PTPRD: variants seen among roughly 807,000 people sequenced by gnomAD.
PTPRD encodes receptor-type tyrosine-protein phosphatase delta.
Under a neutral mutation model 214.5 loss-of-function variants are expected in PTPRD, and 34 were observed. The ratio of observed to expected loss-of-function variants is 0.16; its 90% CI spans 0.12 to 0.21. PTPRD has a LOEUF of 0.21. PTPRD is among the 10% of genes least tolerant of loss of function. PTPRD has a pLI of 1.00. For missense variants in PTPRD, 2,545 were observed against 2,398.7 expected (o/e 1.06, Z -1.27); for synonymous variants, 1,128 against 845.7 (o/e 1.33, Z -5.79).
At chr9:8,483,505 C>T (rs905957930) in intron 30 of PTPRD, among the ~76,000 whole-genome samples, 1 of 152,274 alleles carries the variant, frequency 6.6e-6, no homozygotes, top group East Asian at 1.9e-4. Flanking sequence ...ATAATCCTAG[C>T]ACTTTGGGAG....
intron 44 of PTPRD, among the ~76,000 whole-genome samples, chr9:8,329,935 C>CAGACAGCT (rs1838142181): frequency 1.8e-5 from 1 of 55,554 alleles, no homozygotes; most frequent in African/African-American, 4.4e-4. Flanking sequence ...GCCAGTGGAT[C>CAGACAGCT]GTATCTTGCT....
chr9:9,900,032 A>G (rs2076019544), intron 5 of PTPRD, among the ~76,000 whole-genome samples: 1 of 152,156 alleles, frequency 6.6e-6, no homozygotes, highest in Admixed American at 6.6e-5. Flanking sequence ...AAAACAAGAA[A>G]AAAATGAAAT....
At chr9:9,025,946 T>G (rs897030254) in intron 10 of PTPRD, among the ~76,000 whole-genome samples, 1 of 151,892 alleles carries the variant, frequency 6.6e-6, no homozygotes, top group Non-Finnish European at 1.5e-5. Flanking sequence ...TATAGTCCGC[T>G]CAGATAAACA....
intron 3 of PTPRD, among the ~76,000 whole-genome samples, chr9:10,046,507 C>G (rs547734488): frequency 6.6e-6 from 1 of 151,826 alleles, no homozygotes; most frequent in Admixed American, 6.6e-5. Flanking sequence ...ATTGATTTTT[C>G]TAGGCACATG....
intron 8 of PTPRD, among the ~76,000 whole-genome samples, chr9:9,464,688 G>T (rs1026820326): frequency 3.9e-5 from 6 of 152,074 alleles, no homozygotes; most frequent in Non-Finnish European, 8.8e-5. Context: ...TCCACCCCGG[G>T]AATCACATTA....
chr9:8,571,891 G>A (rs1376629693), intron 14 of PTPRD, among the ~76,000 whole-genome samples: 3 of 152,202 alleles, frequency 2.0e-5, no homozygotes, highest in Non-Finnish European at 2.9e-5. Context: ...AGCATCAAGA[G>A]AGGAAAGTTT....
At chr9:9,978,110 A>ACACACGCACACG (rs2095421959) in intron 4 of PTPRD, among the ~76,000 whole-genome samples, 1 of 152,010 alleles carries the variant, frequency 6.6e-6, no homozygotes, top group Non-Finnish European at 1.5e-5. Context: ...ACACACACAC[A>ACACACGCACACG]CACACGTGGG....
intron 11 of PTPRD, among the ~76,000 whole-genome samples, chr9:8,799,635 G>A (rs568659901): frequency 1.3e-5 from 2 of 152,274 alleles, no homozygotes; most frequent in South Asian, 4.1e-4. Flanking sequence ...GAAAACTCCA[G>A]CTGCCCTTTC....
chr9:10,444,307 T>C (rs1267185323), intron 2 of PTPRD, among the ~76,000 whole-genome samples: 2 of 151,808 alleles, frequency 1.3e-5, no homozygotes, highest in African/African-American at 2.4e-5. Flanking sequence ...TTTTAAGTAA[T>C]AAAAGATATT....
intron 14 of PTPRD, among the ~76,000 whole-genome samples, chr9:8,616,775 G>A (rs181675513): frequency 1.3e-5 from 2 of 152,280 alleles, no homozygotes; most frequent in South Asian, 4.1e-4. Context: ...AGAGGGGCTA[G>A]ACAGTTTTAT....
intron 5 of PTPRD, among the ~76,000 whole-genome samples, chr9:9,897,160 A>ACACACACC (rs767047100): frequency 5.0e-5 from 7 of 139,740 alleles, no homozygotes; most frequent in South Asian, 2.3e-4. Context: ...ACACACACAC[A>ACACACACC]CCGCTGCTAA....
At chr9:9,884,170 TC>T (rs1169926530) in intron 5 of PTPRD, among the ~76,000 whole-genome samples, 1 of 152,016 alleles carries the variant, frequency 6.6e-6, no homozygotes, top group East Asian at 1.9e-4. Flanking sequence ...CCTCTAAGCC[TC>T]CCCATCATCC....
intron 8 of PTPRD, among the ~76,000 whole-genome samples, chr9:9,560,081 C>T (rs2082520537): frequency 6.6e-6 from 1 of 152,222 alleles, no homozygotes; most frequent in African/African-American, 2.4e-5. Context: ...TTCCACCAAC[C>T]ACAGCAGGTA....
chr9:9,680,439 T>C (rs1048566662), intron 7 of PTPRD, among the ~76,000 whole-genome samples: 2 of 151,918 alleles, frequency 1.3e-5, no homozygotes, highest in Admixed American at 6.6e-5. Flanking sequence ...TTCTTTCTGG[T>C]ACTTCTAGGT....
rs529805003 is a variant in PTPRD at position 10,532,766 on chromosome 9, G to A, written c.-600+79632C>T. Reference sequence around the variant, plus strand: ...ATAAAAGTTTTCTTTTTTGCTTTGTGTGTAAGGACTCTTAGAATAAAATTC... The same window carrying A: ...ATAAAAGTTTTCTTTTTTGCTTTGTATGTAAGGACTCTTAGAATAAAATTC... On this transcript the variant is annotated intron_variant, in intron 2 of 45. Coordinates refer to ENST00000381196, the MANE Select transcript of PTPRD (RefSeq NM_002839.4). 2.9e-4 allele frequency among the ~76,000 whole-genome samples: 44 copies of A among 151,696 alleles called. No individual in the cohort carries two copies. In the East Asian group the frequency reaches 8.5e-3, roughly 29 times the overall value.
intron 37 of PTPRD, among the ~76,000 whole-genome samples, chr9:8,386,264 C>A (rs2086996962): frequency 6.6e-6 from 1 of 152,174 alleles, no homozygotes; most frequent in South Asian, 2.1e-4. Context: ...TTGGAACTGT[C>A]CCATAGCTGT....
At chr9:10,408,085 C>T (rs7851164) in intron 2 of PTPRD, among the ~76,000 whole-genome samples, 6,441 of 151,450 alleles carry the variant, frequency 0.043, 460 homozygotes, top group African/African-American at 0.14. Context: ...TGGTGATGAA[C>T]CCCATGGCAT....
In PTPRD at chr9:9,522,050, G is replaced by A. The variant is rs12348977; in HGVS notation, c.-237+52682C>T. On this transcript the variant is annotated intron_variant, in intron 8 of 45. Coordinates refer to ENST00000381196, the MANE Select transcript of PTPRD (RefSeq NM_002839.4). ...CATACGCCTGTAATGCCAGCTACTC[G>A]GGAGGCTGAGGCAGGAGAATCGCTT... Among the ~76,000 whole-genome samples the A allele has an allele frequency of 5.0e-3, 760 of 151,696 alleles. 7 individuals are homozygous for A. Among genetic ancestry groups the A allele is most frequent in the Non-Finnish European group, 6.6e-3 (451 of 67,904 alleles).
chr9:9,883,480 CA>C (rs2069561218), intron 5 of PTPRD, among the ~76,000 whole-genome samples: 1 of 152,080 alleles, frequency 6.6e-6, no homozygotes, highest in South Asian at 2.1e-4. Context: ...GTCTGGCAAT[CA>C]GGGGATACTA....
Sources: gnomAD v4.1 joint callset for allele counts (sites outside exome capture counted in the v4.1 genomes callset) on GRCh38, gnomAD v4.1.1 for gene constraint, MANE v1.5 for transcripts, NCBI Gene and HGNC (gene_info 2026-07-23, HGNC 2026-07-21) for gene names.